SLIT3: variants seen among roughly 807,000 people sequenced by gnomAD.
SLIT3 encodes the protein slit guidance ligand 3.
In SLIT3, 68 loss-of-function variants were observed where a neutral mutation model predicts 184.0. The observed-to-expected ratio is 0.37, with a 90% CI of 0.30 to 0.45. The LOEUF (loss-of-function observed/expected upper bound fraction) is 0.45, where lower values mean the gene tolerates loss of function less well. Among genes scored for constraint, SLIT3 ranks in the 20% least tolerant of loss-of-function variants. The pLI is 1.00. For missense variants in SLIT3, 1,707 were observed against 2,026.0 expected, an observed-to-expected ratio of 0.84 and a Z score of 3.02; for synonymous variants, 831 against 828.6, an observed-to-expected ratio of 1.00 and a Z score of -0.05.
intron 5 of SLIT3, among the ~76,000 whole-genome samples, chr5:168,854,336 A>G (rs1758780361): frequency 1.6e-5 from 2 of 122,282 alleles, no homozygotes; most frequent in Admixed American, 1.0e-4. Context: ...TCTTACCCAG[A>G]AGATGGTGTT....
intron 4 of SLIT3, among the ~76,000 whole-genome samples, chr5:169,142,936 A>G (rs1761795347): frequency 1.3e-5 from 2 of 152,190 alleles, no homozygotes; most frequent in African/African-American, 4.8e-5. Context: ...ATAAAAGAAT[A>G]TATCTTTGGA....
chr5:169,159,689 T>C (rs923671290), intron 4 of SLIT3, among the ~76,000 whole-genome samples: 1 of 152,098 alleles, frequency 6.6e-6, no homozygotes, highest in African/African-American at 2.4e-5. Context: ...GGCAGAAGAA[T>C]GGCGTGAACC....
rs6893453 is a variant in SLIT3, at chr5:169,226,969, C to A, written c.341+17736G>T. On this transcript the variant is annotated intron_variant, in intron 3 of 35. Transcript: ENST00000519560. ...GTGACTTTGTCTGCATACTTCACAC[C>A]CCTCGGCCCTGCCTCCCTCAGTCCT... is the stretch of plus-strand genomic sequence containing the variant. Among the ~76,000 whole-genome samples, 1,281 of 152,290 alleles carry A rather than the reference C, an allele frequency of 8.4e-3. 18 individuals are homozygous for A. The highest frequency in any genetic ancestry group is 0.03 in the African/African-American group (1,233 of 41,554).
At position 169,198,761 on chromosome 5, in the gene SLIT3, G is replaced by A. The variant is rs537321814; in HGVS notation, c.342-5211C>T. ...AGCCTGGCCAACATGGTGAAACCCC[G>A]TCTCTACTAAAAATATAAAAATTAG... On this transcript the variant is annotated intron_variant, in intron 3 of 35. Coordinates refer to ENST00000519560, the MANE Select transcript of SLIT3 (RefSeq NM_003062.4). Among the ~76,000 whole-genome samples, 8 of 151,994 alleles carry A rather than the reference G, an allele frequency of 5.3e-5. No homozygotes were observed. In the East Asian group the frequency reaches 7.8e-4, roughly 15 times the overall value.
intron 5 of SLIT3, among the ~76,000 whole-genome samples, chr5:168,877,652 GGGCGGTGC>G (rs1246442616): frequency 6.6e-6 from 1 of 152,170 alleles, no homozygotes; most frequent in Non-Finnish European, 1.5e-5. Context: ...GGGCAGACAC[GGGCGGTGC>G]GGCAACACAG....
chr5:168,736,711 G>C (rs113219062), intron 20 of SLIT3, among the ~76,000 whole-genome samples: 33,391 of 145,860 alleles, frequency 0.23, 3,914 homozygotes, highest in Non-Finnish European at 0.26. Flanking sequence ...AGAGTGCCTG[G>C]GCTTGCCTCC....
At chr5:168,776,521 A>G (rs1460647475) in intron 12 of SLIT3, among the ~76,000 whole-genome samples, 1 of 152,216 alleles carries the variant, frequency 6.6e-6, no homozygotes, top group African/African-American at 2.4e-5. Context: ...AGAGTTTGGC[A>G]GGTGTTTTCA....
At chr5:168,785,407 T>C (rs140673891) in intron 12 of SLIT3, among the ~76,000 whole-genome samples, 170 of 152,320 alleles carry the variant, frequency 1.1e-3, no homozygotes, top group African/African-American at 3.7e-3. Context: ...AACACTCCTC[T>C]CCACCCTGTC....
chr5:168,808,122 T>A (rs1446639071), intron 8 of SLIT3, among the ~76,000 whole-genome samples: 1 of 152,194 alleles, frequency 6.6e-6, no homozygotes, highest in Non-Finnish European at 1.5e-5. Context: ...TACATGGACC[T>A]CAAAGTTGCC....
intron 4 of SLIT3, among the ~76,000 whole-genome samples, chr5:168,988,156 C>G (rs1437499310): frequency 6.6e-6 from 1 of 152,190 alleles, no homozygotes. Context: ...CTATGGTGAC[C>G]ATTTTGTCTG....
At chr5:169,032,085 A>C (rs113962363) in intron 4 of SLIT3, among the ~76,000 whole-genome samples, 2,073 of 152,192 alleles carry the variant, frequency 0.014, 47 homozygotes, top group African/African-American at 0.047. Context: ...TCTGGCCCTC[A>C]TTTTCCCCAT....
chr5:168,744,095 C>T (rs1270230367), intron 20 of SLIT3, among the ~76,000 whole-genome samples: 3 of 152,174 alleles, frequency 2.0e-5, no homozygotes, highest in African/African-American at 7.2e-5. Flanking sequence ...CGAGACCATC[C>T]TGGCTAACAT....
chr5:169,103,040 A>AT (rs1760076753), intron 4 of SLIT3, among the ~76,000 whole-genome samples: 1 of 152,190 alleles, frequency 6.6e-6, no homozygotes, highest in South Asian at 2.1e-4. Context: ...TCATGGTGAC[A>AT]TTTTTTGAGT....
chr5:168,951,465 C>A (rs550444544), intron 4 of SLIT3, among the ~76,000 whole-genome samples: 2 of 152,244 alleles, frequency 1.3e-5, no homozygotes, highest in East Asian at 3.9e-4. Flanking sequence ...TTTCTGCCAG[C>A]ATTCTGCAAG....
At chr5:168,997,619 G>A (rs1013947286) in intron 4 of SLIT3, among the ~76,000 whole-genome samples, 1 of 152,154 alleles carries the variant, frequency 6.6e-6, no homozygotes, top group Admixed American at 6.6e-5. Flanking sequence ...CAGAGCTGCT[G>A]CATGCAGGAG....
At chr5:168,689,444 A>T (rs976096822) in intron 29 of SLIT3, among the ~76,000 whole-genome samples, 1 of 152,242 alleles carries the variant, frequency 6.6e-6, no homozygotes, top group Non-Finnish European at 1.5e-5. Context: ...CTGAGAAATC[A>T]GTCAGGCCCA....
intron 6 of SLIT3, among the ~76,000 whole-genome samples, chr5:168,826,171 C>T (rs1757698869): frequency 6.6e-6 from 1 of 152,216 alleles, no homozygotes; most frequent in Non-Finnish European, 1.5e-5. Flanking sequence ...TAATGTATTA[C>T]TACACTGATA....
intron 20 of SLIT3, among the ~76,000 whole-genome samples, chr5:168,746,253 T>A (rs1005782259): frequency 8.7e-6 from 1 of 115,456 alleles, no homozygotes. Context: ...AAGTCAAGCA[T>A]CAGATGTGTG....
chr5:168,705,025 C>A (rs934709971), intron 26 of SLIT3, among the ~76,000 whole-genome samples: 11 of 152,288 alleles, frequency 7.2e-5, no homozygotes, highest in Middle Eastern at 3.4e-3. Context: ...AGGAGAAGAG[C>A]GAGTTCTGTC....
Sources: allele counts gnomAD v4.1 joint callset (sites outside exome capture counted in the v4.1 genomes callset), GRCh38; gene constraint gnomAD v4.1.1; transcripts MANE v1.5; gene names NCBI Gene and HGNC (gene_info 2026-07-23, HGNC 2026-07-21).